Variants in STMND1 observed in about 807,000 individuals in gnomAD.
The protein encoded by STMND1 is stathmin domain-containing protein 1.
STMND1 carries 17 observed loss-of-function variants against 23.0 expected under a neutral mutation model. That is an observed-to-expected ratio of 0.74 (90% CI 0.51 to 1.11). The LOEUF is 1.11. Ranked by LOEUF, STMND1 falls within the 50% of genes least tolerant of loss-of-function variation. STMND1 has a pLI of 0.00. For synonymous variants in STMND1, 114 were observed against 119.9 expected (o/e 0.95, Z 0.32); for missense variants, 305 against 329.1 (o/e 0.93, Z 0.57).
At chr6:17,129,803 C>T (rs528129785) in intron 4 of STMND1, among the ~76,000 whole-genome samples, 6 of 151,942 alleles carry the variant, frequency 3.9e-5, no homozygotes, top group Admixed American at 3.9e-4. Flanking sequence ...GAGATTGTGC[C>T]ACTGCACCCC....
intron 1 of STMND1, among the ~76,000 whole-genome samples, chr6:17,105,457 C>A (rs1006295754): frequency 6.6e-6 from 1 of 151,790 alleles, no homozygotes; most frequent in Non-Finnish European, 1.5e-5. Flanking sequence ...ACCAACCTGA[C>A]CAACATGGAG....
chr6:17,130,846 A>T lies in STMND1; in HGVS notation c.796A>T (p.Met266Leu). The stretch of plus-strand genomic sequence containing the variant: ...AAGTTTTGGGGTCGTGGAGTCAGAC[A>T]TGTCCTACAACCAAGCAGATGACAT... ...DESFGVVESD[M>L]SYNQADDIVY The change falls in exon 5 of 5, where the codon ATG becomes TTG. Residue 266 changes from methionine to leucine, a missense_variant. Coordinates refer to ENST00000536551, the MANE Select transcript of STMND1 (RefSeq NM_001190766.2). 6.5e-7 allele frequency: 1 copy of T among 1,534,964 alleles called. No homozygotes were observed. The highest frequency in any genetic ancestry group is 2.4e-5 in the East Asian group (1 of 40,904).
chr6:17,113,913 G>A (rs1331577136), intron 1 of STMND1, among the ~76,000 whole-genome samples: 2 of 152,076 alleles, frequency 1.3e-5, no homozygotes, highest in Admixed American at 1.3e-4. Flanking sequence ...CTTTTACCTG[G>A]TAGATGCCTA....
intron 1 of STMND1, among the ~76,000 whole-genome samples, chr6:17,105,543 G>A (rs1190661610): frequency 1.3e-5 from 2 of 152,136 alleles, no homozygotes; most frequent in Non-Finnish European, 2.9e-5. Flanking sequence ...TATTTGGGGG[G>A]CTGAGGCAGG....
chr6:17,120,419 A>T (rs1037331906), intron 2 of STMND1, among the ~76,000 whole-genome samples, 188 bp from the exon 3 acceptor site: 2 of 152,358 alleles, frequency 1.3e-5, no homozygotes, highest in Non-Finnish European at 2.9e-5. Flanking sequence ...GTTGATGTGT[A>T]TCCTCTGTAA....
intron 1 of STMND1, among the ~76,000 whole-genome samples, chr6:17,111,959 G>A (rs890877180): frequency 2.6e-5 from 4 of 152,122 alleles, no homozygotes; most frequent in Non-Finnish European, 4.4e-5. Flanking sequence ...GGAGTATCCC[G>A]CATGGCCTAA....
intron 3 of STMND1, 178 bp from the exon 4 acceptor site, chr6:17,128,928 GCCTCAA>G: frequency 4.1e-6 from 2 of 489,750 alleles, no homozygotes; most frequent in South Asian, 2.3e-5. Flanking sequence ...GCCCAGGCTG[GCCTCAA>G]ACTCCGGAGC....
At chr6:17,105,556 A>T (rs967802215) in intron 1 of STMND1, among the ~76,000 whole-genome samples, 5 of 151,946 alleles carry the variant, frequency 3.3e-5, no homozygotes, top group Admixed American at 1.3e-4. Flanking sequence ...GAGGCAGGAG[A>T]ATAGCTTGAA....
chr6:17,120,575 G>T, intron 2 of STMND1, 32 bp from the exon 3 acceptor site: 1 of 1,445,018 alleles, frequency 6.9e-7, no homozygotes, highest in Non-Finnish European at 9.1e-7. Context: ...CTTAAATTTT[G>T]CTTTCTTTTT....
chr6:17,107,635 A>T (rs1761043416), intron 1 of STMND1, among the ~76,000 whole-genome samples: 1 of 151,982 alleles, frequency 6.6e-6, no homozygotes, highest in South Asian at 2.1e-4. Context: ...TCACTCTGTC[A>T]CCCAAGTTGA....
intron 1 of STMND1, among the ~76,000 whole-genome samples, chr6:17,107,253 G>A (rs1298217513): frequency 3.3e-5 from 5 of 152,118 alleles, no homozygotes; most frequent in African/African-American, 9.7e-5. Context: ...TAGAACAAAT[G>A]TAGTACATCC....
intron 1 of STMND1, among the ~76,000 whole-genome samples, chr6:17,114,075 A>G (rs1425209723): frequency 6.6e-6 from 1 of 152,124 alleles, no homozygotes; most frequent in South Asian, 2.1e-4. Flanking sequence ...TGGTTTCAGG[A>G]TGACTCTACA....
chr6:17,114,498 T>G (rs1445558634), intron 1 of STMND1, among the ~76,000 whole-genome samples: 2 of 152,144 alleles, frequency 1.3e-5, no homozygotes, highest in Non-Finnish European at 2.9e-5. Flanking sequence ...ACTCCTGACC[T>G]CAGGTGATCC....
intron 2 of STMND1, among the ~76,000 whole-genome samples, chr6:17,119,282 C>T (rs986838106): frequency 6.6e-6 from 1 of 152,112 alleles, no homozygotes; most frequent in South Asian, 2.1e-4. Context: ...CTATAAATCT[C>T]CTATACTGGA....
intron 3 of STMND1, among the ~76,000 whole-genome samples, chr6:17,126,074 T>A (rs1270158328): frequency 0.01 from 592 of 56,458 alleles, 2 homozygotes; most frequent in Non-Finnish European, 0.014. Context: ...ATATATATTT[T>A]TTTTTTTTTT....
chr6:17,111,007 G>C, intron 1 of STMND1: 7 of 340,520 alleles, frequency 2.1e-5, no homozygotes, highest in South Asian at 9.0e-5. Flanking sequence ...TACGATAAAA[G>C]TTTTTCTGAA....
chr6:17,130,969 C>T lies in STMND1; in HGVS notation c.*88C>T, dbSNP rs1761385144. On this transcript the variant is annotated 3_prime_UTR_variant, in exon 5 of 5. Coordinates refer to ENST00000536551, the MANE Select transcript of STMND1 (RefSeq NM_001190766.2). ...GTCTCATATTCTTTGACTGACTGAC[C>T]TCATTCCACTGGGATTTCTGCCTTG... 3.2e-6 allele frequency: 4 copies of T among 1,241,000 alleles called. No homozygotes were observed. The highest frequency in any genetic ancestry group is 4.4e-6 in the Non-Finnish European group (4 of 918,528). 76.9% of individuals were successfully genotyped at this position (1,241,000 alleles called of 1,614,324 possible).
intron 1 of STMND1, chr6:17,110,642 C>T (rs1272626552): frequency 2.9e-6 from 1 of 343,790 alleles, no homozygotes; most frequent in South Asian, 2.3e-5. Flanking sequence ...GTGGTGCGCT[C>T]CTGTAACCTC....
intron 3 of STMND1, among the ~76,000 whole-genome samples, chr6:17,125,943 A>G (rs1464501111): frequency 6.7e-6 from 1 of 148,788 alleles, no homozygotes; most frequent in Non-Finnish European, 1.5e-5. Context: ...AAAATGATTG[A>G]ACTGGTAACT....
Sources: gnomAD v4.1 joint callset for allele counts (sites outside exome capture counted in the v4.1 genomes callset) on GRCh38, gnomAD v4.1.1 for gene constraint, MANE v1.5 for transcripts, NCBI Gene and HGNC (gene_info 2026-07-23, HGNC 2026-07-21) for gene names.